Variants in AP3B2 observed in about 807,000 individuals in gnomAD.
AP3B2 encodes AP-3 complex subunit beta-2.
AP3B2 carries 50 observed loss-of-function variants against 126.9 expected under a neutral mutation model. The ratio of observed to expected loss-of-function variants is 0.39; its 90% confidence interval spans 0.31 to 0.50. The LOEUF (loss-of-function observed/expected upper bound fraction) is 0.50. AP3B2 is among the 20% of genes least tolerant of loss of function. The pLI is 0.79. For synonymous variants in AP3B2, 541 were observed against 565.0 expected (o/e 0.96, Z 0.60); for missense variants, 1,177 against 1,426.4 (o/e 0.83, Z 2.82).
chr15:82,663,403 A>C, intron 21 of AP3B2, 157 bp downstream of exon 21: 1 of 1,003,204 alleles, frequency 1.0e-6, no homozygotes, highest in Non-Finnish European at 1.5e-6. Flanking sequence ...AGACCTGGGG[A>C]GGTCAGCCCT....
At chr15:82,699,991 C>T (rs1281043164) in intron 1 of AP3B2, 2 of 397,834 alleles carry the variant, frequency 5.0e-6, no homozygotes, top group African/African-American at 2.1e-5. Flanking sequence ...AGGGATGCTC[C>T]GGTTTCCTCT....
chr15:82,693,017 G>C (rs2048568033), intron 1 of AP3B2, among the ~76,000 whole-genome samples: 2 of 151,570 alleles, frequency 1.3e-5, no homozygotes, highest in Non-Finnish European at 2.9e-5. Flanking sequence ...TTTGGGAAAA[G>C]AAGGAAACAA....
chr15:82,660,363 A>G (rs545294978), intron 25 of AP3B2, among the ~76,000 whole-genome samples: 2 of 151,550 alleles, frequency 1.3e-5, no homozygotes, highest in African/African-American at 4.8e-5. Flanking sequence ...CCCACATTCA[A>G]CTCCCACTCA....
At chr15:82,693,750 G>A (rs1194560581) in intron 1 of AP3B2, among the ~76,000 whole-genome samples, 1 of 152,046 alleles carries the variant, frequency 6.6e-6, no homozygotes, top group Non-Finnish European at 1.5e-5. Context: ...GCCCAGGCTG[G>A]AGTGCAATGG....
chr15:82,669,920 G>A (rs1431977210), intron 14 of AP3B2, among the ~76,000 whole-genome samples: 2 of 141,666 alleles, frequency 1.4e-5, no homozygotes, highest in African/African-American at 5.3e-5. Context: ...AGAATTGCTT[G>A]AACCCGGGAG....
At chr15:82,668,651 G>A (rs779421352) in intron 14 of AP3B2, among the ~76,000 whole-genome samples, 3 of 152,132 alleles carry the variant, frequency 2.0e-5, no homozygotes, top group Non-Finnish European at 2.9e-5. Context: ...AACACTGCAG[G>A]ATTTGCCTAT....
At chr15:82,670,112 T>TG (rs1465209530) in intron 14 of AP3B2, among the ~76,000 whole-genome samples, 1,092 of 68,890 alleles carry the variant, frequency 0.016, 125 homozygotes, top group African/African-American at 0.045. Flanking sequence ...TTTTTTTTTT[T>TG]GGCGGGGGGG....
At chr15:82,670,238 T>C (rs1303976801) in intron 14 of AP3B2, among the ~76,000 whole-genome samples, 3 of 149,832 alleles carry the variant, frequency 2.0e-5, no homozygotes, top group Admixed American at 6.7e-5. Context: ...GCCTCCCAAG[T>C]AGCTGGGATT....
chr15:82,676,410 A>C (rs2048243046), intron 14 of AP3B2, 51 bp downstream of exon 14: 2 of 1,585,766 alleles, frequency 1.3e-6, no homozygotes, highest in South Asian at 2.3e-5. Flanking sequence ...AATACTGTCT[A>C]GGGAGTTTCT....
At chr15:82,663,041 C>T (rs1332611391) in intron 22 of AP3B2, 86 bp downstream of exon 22, 1 of 1,486,706 alleles carries the variant, frequency 6.7e-7, no homozygotes, top group African/African-American at 1.4e-5. Context: ...TCCATCACAC[C>T]CACCCCCCAC....
rs373890766 is a variant in AP3B2 at position 82,676,424 on chromosome 15, G to C, written c.1665+37C>G. 1,503 of 1,603,516 alleles carry C rather than the reference G, an allele frequency of 9.4e-4. 1 individual carries two copies. Among genetic ancestry groups the C allele is most frequent in the Middle Eastern group, 5.2e-3 (31 of 5,994 alleles). ...GAATACTGTCTAGGGAGTTTCTGGG[G>C]ACCAGAGTATCTGGGGGGTCATCTC... On this transcript the variant is annotated intron_variant, in intron 14 of 26. Transcript: ENST00000535359.
intron 1 of AP3B2, 99 bp from the exon 2 acceptor site, chr15:82,689,552 G>A: frequency 8.6e-7 from 1 of 1,166,808 alleles, no homozygotes; most frequent in Non-Finnish European, 1.2e-6. Context: ...GCCAGGGGAG[G>A]CTCAGGCAGG....
At chr15:82,687,672 C>T (rs1050139735) in intron 4 of AP3B2, 7 of 152,222 alleles carry the variant, frequency 4.6e-5, no homozygotes, top group African/African-American at 1.7e-4. Flanking sequence ...GACTGTCAAC[C>T]CCTCTTGCTG....
rs558874533 is a variant in AP3B2, at chr15:82,664,581, C to A, written c.2138-91G>T. 96 of 1,509,972 alleles carry A rather than the reference C, an allele frequency of 6.4e-5. No homozygotes were observed. In the African/African-American group the frequency reaches 1.2e-3, roughly 19 times the overall value. The allele number at this position is 1,509,972 out of a possible 1,614,324, so 93.5% of individuals were successfully genotyped here. A position where few individuals can be genotyped will look rare whatever the true frequency, so the allele number is the denominator to read the frequency against. On this transcript the variant is annotated intron_variant, in intron 18 of 26. Transcript: ENST00000535359. The surrounding 1 kb of genome is among the most constrained non-coding windows in gnomAD (Gnocchi z 4.5). ...CTGGGTTCCACCTTCACATTCAGTA[C>A]TGAACCCTCAAACCTCTCTGACCTG...
intron 24 of AP3B2, 25 bp from the exon 25 acceptor site, chr15:82,661,947 G>A (rs1298455254): frequency 3.8e-6 from 6 of 1,595,270 alleles, no homozygotes; most frequent in Admixed American, 1.7e-5. Context: ...AGGAAACGGA[G>A]AAGAATTAAG....
intron 10 of AP3B2, among the ~76,000 whole-genome samples, chr15:82,678,612 C>T (rs541736236): frequency 2.2e-4 from 33 of 152,304 alleles, no homozygotes; most frequent in African/African-American, 7.5e-4. Flanking sequence ...CAGTTCTTCC[C>T]ATTTCTGTCC....
In AP3B2 at chr15:82,680,377, T is replaced by G. The variant is rs1403895182; in HGVS notation, c.1055+95A>C. On this transcript the variant is annotated intron_variant, in intron 8 of 26. Transcript: ENST00000535359. The surrounding 1 kb of genome is among the most constrained non-coding windows in gnomAD (Gnocchi z 6.1). ...TCAGTGTGGAGCGGGTGGGCAGAGG[T>G]GGAAGCGGCTGGTGGGCGTGAGGGG... 6.9e-7 allele frequency: 1 copy of G among 1,441,952 alleles called. No individual in the cohort carries two copies. Among genetic ancestry groups the G allele is most frequent in the Admixed American group, 2.3e-5 (1 of 44,156 alleles). The allele number at this position is 1,441,952 out of a possible 1,614,324, so 89.3% of individuals were successfully genotyped here.
Position 82,680,352 on chromosome 15 carries a change from T to TGTGGAGGGCAGGAC in AP3B2, c.1055+119_1055+120insGTCCTGCCCTCCAC. The TGTGGAGGGCAGGAC allele has an allele frequency of 6.6e-7, 1 of 1,511,294 alleles. No homozygotes were observed. The highest frequency in any genetic ancestry group is 1.9e-4 in the Middle Eastern group (1 of 5,302). 93.6% of individuals were successfully genotyped at this position (1,511,294 alleles called of 1,614,324 possible). A position where few individuals can be genotyped will look rare whatever the true frequency, so the allele number is the denominator to read the frequency against. ...ACCAGTGCGGAGGGCAGGACTACGGTCAGTGTGGAGCGGGTGGGCAGAGGT... is the reference window on the plus strand; with the variant it reads ...ACCAGTGCGGAGGGCAGGACTACGGTGTGGAGGGCAGGACCAGTGTGGAGCGGGTGGGCAGAGGT... On this transcript the variant is annotated intron_variant, in intron 8 of 26. Coordinates refer to ENST00000535359, the MANE Select transcript of AP3B2 (RefSeq NM_001278512.2). The surrounding 1 kb of genome is among the most constrained non-coding windows in gnomAD (Gnocchi z 6.1).
intron 1 of AP3B2, among the ~76,000 whole-genome samples, chr15:82,700,396 G>GTTTTTTTTTTTTTTTTTTTT (rs1567275643): frequency 1.5e-3 from 17 of 11,258 alleles, no homozygotes; most frequent in South Asian, 8.8e-3. Context: ...GTGGTGGGTG[G>GTTTTTTTTTTTTTTTTTTTT]CTTTTTTTTT....
Sources: gnomAD v4.1 joint callset for allele counts (sites outside exome capture counted in the v4.1 genomes callset) on GRCh38, gnomAD v4.1.1 for gene constraint, Gnocchi (gnomAD v3.1) non-coding constraint, MANE v1.5 for transcripts, NCBI Gene and HGNC (gene_info 2026-07-23, HGNC 2026-07-21) for gene names.